DHRS1: variants seen among roughly 807,000 people sequenced by gnomAD.
DHRS1 encodes the protein dehydrogenase/reductase 1, also known as dehydrogenase/reductase SDR family member 1.
A neutral mutation model predicts 35.2 loss-of-function variants in DHRS1; 34 were observed. The observed-to-expected ratio is 0.97, with a 90% CI of 0.74 to 1.29. The LOEUF (loss-of-function observed/expected upper bound fraction) is 1.29, where lower values mean the gene tolerates loss of function less well. Among genes scored for constraint, DHRS1 ranks in the 50% most tolerant of loss-of-function variants. The probability of loss-of-function intolerance (pLI) is 0.00; values close to 1 mark genes in which losing one functional copy is unlikely to be tolerated. For missense variants in DHRS1, 354 were observed against 403.6 expected, an observed-to-expected ratio of 0.88 and a Z score of 1.05; for synonymous variants, 133 against 160.0, an observed-to-expected ratio of 0.83 and a Z score of 1.27.
chr14:24,291,116 G>A, intron 8 of DHRS1, 23 bp downstream of exon 8: 1 of 1,613,988 alleles, frequency 6.2e-7, no homozygotes, highest in African/African-American at 1.3e-5. Flanking sequence ...AGTCAAGGCT[G>A]ACTGCTGTGC....
rs758997793 is a variant in DHRS1 at position 24,296,886 on chromosome 14, A to G, written c.151-5T>C. ...TTGGCCCCCGAGGGATTGTGCCTGGAGTAGGACAGGGGATATGAGCTCACA... is the reference window on the plus strand; with the variant it reads ...TTGGCCCCCGAGGGATTGTGCCTGGGGTAGGACAGGGGATATGAGCTCACA... On this transcript the variant is annotated splice_region_variant and splice_polypyrimidine_tract_variant and intron_variant, in intron 2 of 8. Transcript: ENST00000288111. 1 of 1,614,176 alleles carries G rather than the reference A, an allele frequency of 6.2e-7. No homozygotes were observed. Among genetic ancestry groups the G allele is most frequent in the East Asian group, 2.2e-5 (1 of 44,884 alleles).
Position 24,296,376 on chromosome 14 carries a change from CAAATG to C in DHRS1, c.374+128_374+132del, listed in dbSNP as rs2041246893. 3 of 851,996 alleles carry C rather than the reference CAAATG, an allele frequency of 3.5e-6. 1 individual carries two copies. Among genetic ancestry groups the C allele is most frequent in the Non-Finnish European group, 5.7e-6 (3 of 525,792 alleles). The allele number at this position is 851,996 out of a possible 1,614,324, so 52.8% of individuals were successfully genotyped here. Reference sequence around the variant, plus strand: ...GGAACTTCTCCAGAGGTAAGTGGGACAAATGGAATGGAAGGGAGAAGAAAGAGATG... The same window carrying C: ...GGAACTTCTCCAGAGGTAAGTGGGACGAATGGAAGGGAGAAGAAAGAGATG... On this transcript the variant is annotated intron_variant, in intron 4 of 8. Coordinates refer to ENST00000288111, the MANE Select transcript of DHRS1 (RefSeq NM_001136050.3).
At position 24,299,147 on chromosome 14, in the gene DHRS1, T is replaced by C. The variant is rs371494896; in HGVS notation, c.-24-17A>G. The C allele has an allele frequency of 1.9e-6, 3 of 1,592,832 alleles. No individual in the cohort carries two copies. The highest frequency in any genetic ancestry group is 2.6e-6 in the Non-Finnish European group (3 of 1,165,028). ...GAGGCAGGTCTGTGGAAGCAAAGAC[T>C]TACTCTGAGGGAAGCCTGGAGACTG... is the stretch of plus-strand genomic sequence containing the variant. On this transcript the variant is annotated splice_polypyrimidine_tract_variant and intron_variant, in intron 1 of 8. Transcript: ENST00000288111.
chr14:24,298,218 TA>T (rs996802481), intron 2 of DHRS1, among the ~76,000 whole-genome samples: 3 of 152,024 alleles, frequency 2.0e-5, no homozygotes, highest in African/African-American at 7.3e-5. Flanking sequence ...GCTAATTATT[TA>T]AAAAATATTT....
intron 6 of DHRS1, chr14:24,291,861 C>G (rs2041163707): frequency 1.6e-6 from 1 of 611,230 alleles, no homozygotes; most frequent in East Asian, 2.8e-5. Context: ...GTGGAAGGAT[C>G]TGGTAGTGCC....
chr14:24,292,144 C>G, intron 6 of DHRS1, 40 bp downstream of exon 6: 1 of 1,612,624 alleles, frequency 6.2e-7, no homozygotes, highest in Non-Finnish European at 8.5e-7. Flanking sequence ...CAGAGGCCGA[C>G]TCCCCTGTTC....
intron 1 of DHRS1, 135 bp downstream of exon 1, chr14:24,299,446 A>G: frequency 4.1e-6 from 1 of 242,290 alleles, no homozygotes; most frequent in South Asian, 1.0e-4. Context: ...GTCCACGCAG[A>G]GTCCTGGGCT....
At chr14:24,291,977 T>C (rs2041164926) in intron 6 of DHRS1, 1 of 675,314 alleles carries the variant, frequency 1.5e-6, no homozygotes, top group African/African-American at 1.8e-5. Flanking sequence ...TCAACAAGTT[T>C]CTAAACCTCT....
At position 24,291,012 on chromosome 14, in the gene DHRS1, G is replaced by C; in HGVS notation, c.806-17C>G. The C allele has an allele frequency of 6.2e-7, 1 of 1,614,052 alleles. No homozygotes were observed. Among genetic ancestry groups the C allele is most frequent in the Non-Finnish European group, 8.5e-7 (1 of 1,179,964 alleles). ...CGGGGCGGCCTGGGAACAACAGGAG[G>C]AGGAGGATTAGATTCTCATTTCCCA... On this transcript the variant is annotated splice_polypyrimidine_tract_variant and intron_variant, in intron 8 of 8. Coordinates refer to ENST00000288111, the MANE Select transcript of DHRS1 (RefSeq NM_001136050.3).
rs772642636 is a variant in DHRS1, at chr14:24,296,805, T to G, written c.227A>C (p.Glu76Ala). 6.2e-7 allele frequency: 1 copy of G among 1,614,216 alleles called. No individual in the cohort carries two copies. Among genetic ancestry groups the G allele is most frequent in the Non-Finnish European group, 8.5e-7 (1 of 1,180,038 alleles). Residue 76 changes from glutamate (E) to alanine (A), a missense_variant, in exon 3 of 9, where the codon GAG becomes GCG. Physicochemically the swap from Glu to Ala is moderately radical, Grantham distance 107. Transcript: ENST00000288111. The stretch of plus-strand genomic sequence containing the variant: ...CCCTTGCTGTTCCCGATCCACTTGC[T>G]CAAACAGGCTTCGCACTTCACTCTC... ...SQESEVRSLF[E>A]QVDREQQGRL...
chr14:24,292,909 T>G (rs1594604634), intron 4 of DHRS1, 125 bp from the exon 5 acceptor site: 1 of 1,276,692 alleles, frequency 7.8e-7, no homozygotes, highest in Non-Finnish European at 1.0e-6. Context: ...ACAGGGTGGG[T>G]TAGCGACCTG....
rs763940229 is a variant in DHRS1, at chr14:24,291,162, C to T, written c.782G>A (p.Arg261His). ...ACCGTCCACATCCCGAAGGCCATAG[C>T]GTCGAGCAAGGTCACAGGATGGCAG... ...KVLPSCDLARRYGLRDVDGRP... is the reference protein window; with the variant it reads ...KVLPSCDLARHYGLRDVDGRP... The change falls in exon 8 of 9, where the codon CGC becomes CAC. Residue 261 changes from arginine to histidine, a missense_variant. By Grantham distance (29) the Arg-to-His change is conservative. Transcript: ENST00000288111. 6.2e-6 allele frequency: 10 copies of T among 1,614,160 alleles called. No homozygotes were observed. Among genetic ancestry groups the T allele is most frequent in the South Asian group, 1.1e-5 (1 of 91,086 alleles).
intron 6 of DHRS1, 91 bp downstream of exon 6, chr14:24,292,093 C>A: frequency 6.6e-7 from 1 of 1,510,696 alleles, no homozygotes. Flanking sequence ...CCACAGTAAG[C>A]ACCTGGTGAG....
At chr14:24,296,695 G>A (rs1420098381) in intron 3 of DHRS1, 43 bp downstream of exon 3, 1 of 1,613,958 alleles carries the variant, frequency 6.2e-7, no homozygotes, top group South Asian at 1.1e-5. Flanking sequence ...GGTCTGAGGG[G>A]GAGGTCAGAA....
intron 5 of DHRS1, 122 bp downstream of exon 5, chr14:24,292,530 G>T: frequency 6.4e-7 from 1 of 1,557,070 alleles, no homozygotes; most frequent in Non-Finnish European, 8.8e-7. Flanking sequence ...CCATGGATGA[G>T]GCAGAGGAGG....
intron 6 of DHRS1, chr14:24,291,834 T>G: frequency 1.6e-6 from 1 of 622,818 alleles, no homozygotes; most frequent in South Asian, 1.9e-5. Context: ...GGCACCAGGA[T>G]CTGCTGTCTT....
Position 24,292,762 on chromosome 14 carries a change from A to G in DHRS1, c.397T>C (p.Tyr133His). ...GLRGHYFCSVYGARLMVPAGQ... is the reference protein window; with the variant it reads ...GLRGHYFCSVHGARLMVPAGQ... ...GCTGGTACCATCAGCCGTGCCCCAT[A>G]CACTGAGCAAAAGTAGTGGCCTCTA... is the stretch of plus-strand genomic sequence containing the variant. Residue 133 changes from tyrosine to histidine, a missense_variant, in exon 5 of 9, where the codon TAT becomes CAT. Transcript: ENST00000288111. 1 of 1,613,516 alleles carries G rather than the reference A, an allele frequency of 6.2e-7. No homozygotes were observed. Among genetic ancestry groups the G allele is most frequent in the Non-Finnish European group, 8.5e-7 (1 of 1,179,776 alleles).
intron 6 of DHRS1, chr14:24,291,869 G>A: frequency 1.6e-6 from 1 of 608,176 alleles, no homozygotes; most frequent in East Asian, 2.8e-5. Context: ...ATCTGGTAGT[G>A]CCAAATAGTG....
chr14:24,292,228 G>A lies in DHRS1; in HGVS notation c.610C>T (p.His204Tyr), dbSNP rs745579233. ...TGCAGGACCTCCTCCTTTGCCATAT[G>A]CTCCTTCAGCAGTTCTGTCTGCACA... ...GIVQTELLKE[H>Y]MAKEEVLQDP... The change falls in exon 6 of 9, where the codon CAT becomes TAT. Residue 204 changes from histidine (H) to tyrosine (Y), a missense_variant. By Grantham distance (83) the His-to-Tyr change is moderately conservative (BLOSUM62 2). Transcript: ENST00000288111. 20 of 1,613,984 alleles carry A rather than the reference G, an allele frequency of 1.2e-5. No homozygotes were observed. Among genetic ancestry groups the A allele is most frequent in the Non-Finnish European group, 1.7e-5 (20 of 1,180,030 alleles).
Sources: allele counts gnomAD v4.1 joint callset (sites outside exome capture counted in the v4.1 genomes callset), GRCh38; gene constraint gnomAD v4.1.1; transcripts MANE v1.5; gene names NCBI Gene and HGNC (gene_info 2026-07-23, HGNC 2026-07-21).